Variants in AKAP6 observed in about 807,000 individuals in gnomAD.
AKAP6 encodes the protein A-kinase anchoring protein 6, also known as A-kinase anchor protein 6.
Under a neutral mutation model 188.5 loss-of-function variants are expected in AKAP6, and 58 were observed. The ratio of observed to expected loss-of-function variants is 0.31; its 90% CI spans 0.25 to 0.38. The LOEUF (loss-of-function observed/expected upper bound fraction) is 0.38. Among genes scored for constraint, AKAP6 ranks in the 10% least tolerant of loss-of-function variants. AKAP6 has a pLI of 1.00. For synonymous variants in AKAP6, 989 were observed against 998.6 expected (o/e 0.99, Z 0.18); for missense variants, 2,710 against 2,740.0 (o/e 0.99, Z 0.24).
chr14:32,342,115 A>G (rs955105367), intron 1 of AKAP6, among the ~76,000 whole-genome samples: 3 of 152,268 alleles, frequency 2.0e-5, no homozygotes, highest in Middle Eastern at 3.4e-3. Flanking sequence ...TGGATGATCT[A>G]TGCTTGTTGA....
In AKAP6 at chr14:32,822,967, C is replaced by T. The variant is rs2034571570; in HGVS notation, c.5154C>T (p.Phe1718=). ...KNKIPESNAS[F]RKRLTRSVAD... ...AGATCCCGGAATCGAATGCATCGTT[C>T]AGGAAGCGTCTGACTCGTTCAGTGG... The change falls in exon 13 of 14, where the codon TTC becomes TTT. Residue 1718 remains phenylalanine (F), a synonymous_variant. Transcript: ENST00000280979. The T allele has an allele frequency of 1.9e-6, 3 of 1,613,896 alleles. No individual in the cohort carries two copies. In the South Asian group the frequency reaches 3.3e-5, roughly 18 times the overall value.
chr14:32,820,453 A>C (rs922869357), intron 12 of AKAP6, among the ~76,000 whole-genome samples: 21 of 152,166 alleles, frequency 1.4e-4, no homozygotes, highest in African/African-American at 4.6e-4. Context: ...CCAAGGAAAC[A>C]TCAAGGGTCC....
At chr14:32,639,150 A>G (rs1887651144) in intron 7 of AKAP6, among the ~76,000 whole-genome samples, 1 of 152,176 alleles carries the variant, frequency 6.6e-6, no homozygotes, top group South Asian at 2.1e-4. Flanking sequence ...GTTATGACCC[A>G]TTAACACTTA....
chr14:32,345,759 G>A (rs564206202), intron 1 of AKAP6, among the ~76,000 whole-genome samples: 17 of 152,284 alleles, frequency 1.1e-4, no homozygotes, highest in African/African-American at 4.1e-4. Context: ...GGGGAGGGGT[G>A]AGTGGGCTGA....
chr14:32,567,333 G>A (rs539527212), intron 4 of AKAP6, among the ~76,000 whole-genome samples: 1 of 152,234 alleles, frequency 6.6e-6, no homozygotes, highest in Admixed American at 6.5e-5. Flanking sequence ...ATCTCTATGG[G>A]AACCTTTCTT....
chr14:32,744,521 C>G (rs1222048624), intron 11 of AKAP6, among the ~76,000 whole-genome samples: 1 of 151,992 alleles, frequency 6.6e-6, no homozygotes, highest in Non-Finnish European at 1.5e-5. Context: ...TTTCACTGCA[C>G]TAGCCAGGAT....
At chr14:32,653,080 T>G (rs1238541024) in intron 7 of AKAP6, among the ~76,000 whole-genome samples, 1 of 151,884 alleles carries the variant, frequency 6.6e-6, no homozygotes, top group African/African-American at 2.4e-5. Flanking sequence ...AATAAATAAA[T>G]CCACCACTTA....
intron 12 of AKAP6, among the ~76,000 whole-genome samples, chr14:32,779,338 A>G (rs2033165426): frequency 7.1e-6 from 1 of 140,268 alleles, no homozygotes; most frequent in South Asian, 2.5e-4. Context: ...TGAGCCCAGG[A>G]GGTTGAGGCT....
rs552498386 is a variant in AKAP6, at chr14:32,609,742, C to G, written c.2730+8950C>G. 9.9e-5 allele frequency among the ~76,000 whole-genome samples: 15 copies of G among 152,180 alleles called. No homozygotes were observed. In the South Asian group the frequency reaches 1.2e-3, roughly 13 times the overall value. On this transcript the variant is annotated intron_variant, in intron 7 of 13. Coordinates refer to ENST00000280979, the MANE Select transcript of AKAP6 (RefSeq NM_004274.5). ...AGAGGAGAAAGATTAAAGAACGAAG[C>G]ATGTGTCCAGTGAAATGTGGTAGAA...
chr14:32,633,875 T>G (rs2139462605), intron 7 of AKAP6, among the ~76,000 whole-genome samples: 1 of 152,222 alleles, frequency 6.6e-6, no homozygotes. Context: ...CTCCCATCTC[T>G]AAGTCTTCCT....
At chr14:32,489,846 G>C (rs550344943) in intron 2 of AKAP6, among the ~76,000 whole-genome samples, 2 of 152,312 alleles carry the variant, frequency 1.3e-5, no homozygotes, top group East Asian at 3.9e-4. Flanking sequence ...TCACGTGTCC[G>C]TGTGAAGAGA....
At chr14:32,426,827 A>G (rs1324634712) in intron 1 of AKAP6, among the ~76,000 whole-genome samples, 1 of 152,160 alleles carries the variant, frequency 6.6e-6, no homozygotes, top group Non-Finnish European at 1.5e-5. Context: ...TATCCCTGCC[A>G]TGGGAAGATC....
At chr14:32,417,340 T>C (rs941618714) in intron 1 of AKAP6, among the ~76,000 whole-genome samples, 1 of 152,170 alleles carries the variant, frequency 6.6e-6, no homozygotes, top group African/African-American at 2.4e-5. Flanking sequence ...ATAAATCTTG[T>C]TATGCGATCC....
chr14:32,592,859 A>C (rs1594769057), intron 5 of AKAP6, among the ~76,000 whole-genome samples: 2 of 152,192 alleles, frequency 1.3e-5, no homozygotes, highest in East Asian at 3.9e-4. Flanking sequence ...CCAAAGCTAC[A>C]CAGTGAGTGA....
chr14:32,363,219 A>G (rs964129690), intron 1 of AKAP6, among the ~76,000 whole-genome samples: 2 of 152,184 alleles, frequency 1.3e-5, no homozygotes, highest in East Asian at 3.8e-4. Flanking sequence ...CATGTTGACT[A>G]TGTACTAAGT....
rs758258130 is a variant in AKAP6, at chr14:32,822,783, T to C, written c.4970T>C (p.Ile1657Thr). ...AAGATAAAACGAAGTGTTTCTGATATCACTCTTCAAAGCAGTTCCCAAAAG... is the reference window on the plus strand; with the variant it reads ...AAGATAAAACGAAGTGTTTCTGATACCACTCTTCAAAGCAGTTCCCAAAAG... ...EQKIKRSVSD[I>T]TLQSSSQKMS... The change falls in exon 13 of 14, where the codon ATC (isoleucine) becomes ACC (threonine). Residue 1657 changes from isoleucine to threonine, a missense_variant. By Grantham distance (89) the Ile-to-Thr change is moderately conservative. Around this residue, in one of 2 missense-constraint regions of AKAP6, gnomAD observed 2,473 missense variants for 2,426.1 expected, o/e 1.02. Coordinates refer to ENST00000280979, the MANE Select transcript of AKAP6 (RefSeq NM_004274.5). The C allele has an allele frequency of 1.2e-6, 2 of 1,613,908 alleles. No homozygotes were observed. Among genetic ancestry groups the C allele is most frequent in the Non-Finnish European group, 1.7e-6 (2 of 1,179,888 alleles).
intron 1 of AKAP6, among the ~76,000 whole-genome samples, chr14:32,395,176 T>C (rs1343124007): frequency 6.6e-6 from 1 of 152,140 alleles, no homozygotes; most frequent in Non-Finnish European, 1.5e-5. Context: ...TAACTCCATC[T>C]TCTTTCTCTT....
chr14:32,667,143 T>C (rs1888977980), intron 7 of AKAP6, among the ~76,000 whole-genome samples: 1 of 152,136 alleles, frequency 6.6e-6, no homozygotes, highest in African/African-American at 2.4e-5. Context: ...AACCCATTTA[T>C]AAATTCTGTT....
intron 1 of AKAP6, among the ~76,000 whole-genome samples, chr14:32,409,054 G>A (rs147897377): frequency 0.021 from 3,121 of 152,136 alleles, 51 homozygotes; most frequent in Middle Eastern, 0.037. Context: ...ACAAAAATTA[G>A]CCAGGCATGG....
Sources: allele counts gnomAD v4.1 joint callset (sites outside exome capture counted in the v4.1 genomes callset), GRCh38; gene constraint gnomAD v4.1.1; regional missense constraint gnomAD v4.1.1; transcripts MANE v1.5; gene names NCBI Gene and HGNC (gene_info 2026-07-23, HGNC 2026-07-21).